AUTS2: variants seen among roughly 807,000 people sequenced by gnomAD.
AUTS2 encodes the protein autism susceptibility gene 2 protein.
In AUTS2, 17 loss-of-function variants were observed where a neutral mutation model predicts 112.4. The ratio of observed to expected loss-of-function variants is 0.15; its 90% CI spans 0.10 to 0.23. The LOEUF is 0.23. AUTS2 is among the 10% of genes least tolerant of loss of function. The pLI is 1.00. For missense variants in AUTS2, 1,510 were observed against 1,701.6 expected, an observed-to-expected ratio of 0.89 and a Z score of 1.98; for synonymous variants, 751 against 702.7, an observed-to-expected ratio of 1.07 and a Z score of -1.09.
chr7:70,170,906 G>C (rs911508113), intron 4 of AUTS2, among the ~76,000 whole-genome samples: 1 of 152,060 alleles, frequency 6.6e-6, no homozygotes, highest in African/African-American at 2.4e-5. Flanking sequence ...GCCCCCGGCC[G>C]GGGCACATTG....
At chr7:69,905,375 G>T (rs959488058) in intron 2 of AUTS2, among the ~76,000 whole-genome samples, 6 of 152,104 alleles carry the variant, frequency 3.9e-5, no homozygotes, top group African/African-American at 1.4e-4. Flanking sequence ...TTCATTCGGG[G>T]AATTTGTTCA....
chr7:70,786,030 C>T lies in AUTS2; in HGVS notation c.2300C>T (p.Pro767Leu). ...GGNAFGGLGN[P>L]SVTPNSMFGH... ...AATGCCTTCGGGGGACTTGGAAATCCTTCCGTTAGTGAGTACCTCTAACTT... is the reference window on the plus strand; with the variant it reads ...AATGCCTTCGGGGGACTTGGAAATCTTTCCGTTAGTGAGTACCTCTAACTT... Residue 767 changes from proline (P) to leucine (L), a missense_variant, in exon 17 of 19, where the codon CCT becomes CTT. Physicochemically the swap from Pro to Leu is moderately conservative, Grantham distance 98. Around this residue, in one of 3 missense-constraint regions of AUTS2, gnomAD observed 788 missense variants for 797.6 expected, o/e 0.99. Coordinates refer to ENST00000342771, the MANE Select transcript of AUTS2 (RefSeq NM_015570.4). The T allele has an allele frequency of 6.2e-7, 1 of 1,613,954 alleles. No homozygotes were observed. The highest frequency in any genetic ancestry group is 8.5e-7 in the Non-Finnish European group (1 of 1,179,832).
chr7:69,819,616 C>T (rs1205750242), intron 1 of AUTS2, among the ~76,000 whole-genome samples: 1 of 152,160 alleles, frequency 6.6e-6, no homozygotes, highest in African/African-American at 2.4e-5. Context: ...GGAGAATGTG[C>T]CAAAACGGGA....
chr7:70,214,683 T>G (rs1284076305), intron 4 of AUTS2, among the ~76,000 whole-genome samples: 1 of 152,212 alleles, frequency 6.6e-6, no homozygotes, highest in Non-Finnish European at 1.5e-5. Flanking sequence ...TACCTTTTTT[T>G]AAATTCGTGG....
intron 5 of AUTS2, among the ~76,000 whole-genome samples, chr7:70,668,738 C>A (rs1388876075): frequency 2.0e-5 from 3 of 152,218 alleles, no homozygotes; most frequent in Non-Finnish European, 4.4e-5. Context: ...CAAGGCCAGT[C>A]TGGGTGAACG....
intron 4 of AUTS2, among the ~76,000 whole-genome samples, chr7:70,340,049 T>C (rs1791185521): frequency 1.3e-5 from 2 of 152,058 alleles, no homozygotes; most frequent in South Asian, 2.1e-4. Context: ...CCAAGCAAAT[T>C]ACCTTATCCT....
chr7:70,599,953 A>G (rs1002727977), intron 5 of AUTS2, among the ~76,000 whole-genome samples: 2 of 152,218 alleles, frequency 1.3e-5, no homozygotes, highest in Non-Finnish European at 2.9e-5. Flanking sequence ...ATTCTGGGTC[A>G]CTGGTTCTCA....
intron 2 of AUTS2, among the ~76,000 whole-genome samples, chr7:70,096,647 A>C (rs1171286450): frequency 1.3e-5 from 2 of 151,858 alleles, no homozygotes; most frequent in East Asian, 3.9e-4. Context: ...ATACTGTGTA[A>C]AGGACTATAC....
chr7:70,695,224 C>T (rs1563133700), intron 5 of AUTS2, among the ~76,000 whole-genome samples: 1 of 152,166 alleles, frequency 6.6e-6, no homozygotes, highest in Non-Finnish European at 1.5e-5. Flanking sequence ...TTCTTTCCTC[C>T]CCCCTCTGCG....
At chr7:70,666,621 A>G (rs1807362285) in intron 5 of AUTS2, among the ~76,000 whole-genome samples, 1 of 151,918 alleles carries the variant, frequency 6.6e-6, no homozygotes, top group Non-Finnish European at 1.5e-5. Flanking sequence ...AGTCCTTTTA[A>G]TTATAGGAAA....
chr7:70,193,088 T>C lies in AUTS2; in HGVS notation c.660+58517T>C, dbSNP rs75246898. Among the ~76,000 whole-genome samples the C allele has an allele frequency of 3.0e-3, 457 of 152,344 alleles. 3 individuals are homozygous for C. The highest frequency in any genetic ancestry group is 0.01 in the African/African-American group (434 of 41,580). ...TTCTTTTAGTTCATAATTGTAATCA[T>C]AGATGGCATTCCACTACCTTTGTCT... On this transcript the variant is annotated intron_variant, in intron 4 of 18. Transcript: ENST00000342771.
rs1790747401 is a variant in AUTS2, at chr7:69,816,061, C to T, written c.310-83225C>T. Among the ~76,000 whole-genome samples the T allele has an allele frequency of 2.0e-5, 3 of 152,174 alleles. No individual in the cohort carries two copies. The South Asian group carries it at 6.2e-4, about 31-fold the overall frequency. On this transcript the variant is annotated intron_variant, in intron 1 of 18. Coordinates refer to ENST00000342771, the MANE Select transcript of AUTS2 (RefSeq NM_015570.4). ...TTGCTAGAGGGAATACAGGCCAAGC[C>T]TTTTGCCTCTGAAATCAAAGTACTG... is the stretch of plus-strand genomic sequence containing the variant.
intron 1 of AUTS2, among the ~76,000 whole-genome samples, chr7:69,665,495 A>G (rs1281254694): frequency 6.6e-6 from 1 of 152,174 alleles, no homozygotes; most frequent in Non-Finnish European, 1.5e-5. Flanking sequence ...AAACTGAACC[A>G]CAGAAGTATA....
At chr7:69,604,023 T>G (rs1017733239) in intron 1 of AUTS2, among the ~76,000 whole-genome samples, 4 of 152,222 alleles carry the variant, frequency 2.6e-5, no homozygotes, top group African/African-American at 4.8e-5. Flanking sequence ...AGCCTCCTTT[T>G]GTACAGCTGA....
At chr7:70,785,118 T>C (rs919134521) in intron 16 of AUTS2, 99 bp downstream of exon 16, 1 of 1,242,008 alleles carries the variant, frequency 8.1e-7, no homozygotes, top group African/African-American at 1.5e-5. Context: ...CTGGTGGGAG[T>C]CCCAGATACC....
At chr7:69,833,703 G>A (rs1039104579) in intron 1 of AUTS2, among the ~76,000 whole-genome samples, 2 of 152,162 alleles carry the variant, frequency 1.3e-5, no homozygotes, top group African/African-American at 4.8e-5. Context: ...CCAAAGTGCT[G>A]GGATTACAGG....
chr7:69,739,531 G>A (rs1370488226), intron 1 of AUTS2, among the ~76,000 whole-genome samples: 1 of 152,064 alleles, frequency 6.6e-6, no homozygotes, highest in Non-Finnish European at 1.5e-5. Context: ...CTCAACTGGA[G>A]AATAAAGAGC....
intron 4 of AUTS2, among the ~76,000 whole-genome samples, chr7:70,427,761 G>C (rs1172696412): frequency 6.6e-6 from 1 of 152,120 alleles, no homozygotes; most frequent in Non-Finnish European, 1.5e-5. Context: ...CACTGGAGGG[G>C]GAATAAGAAG....
intron 5 of AUTS2, among the ~76,000 whole-genome samples, chr7:70,552,616 T>A (rs1049566964): frequency 6.6e-6 from 1 of 152,174 alleles, no homozygotes; most frequent in Non-Finnish European, 1.5e-5. Context: ...GTAAAAAAGG[T>A]CTGCATTTAG....
Sources: gnomAD v4.1 joint callset for allele counts (sites outside exome capture counted in the v4.1 genomes callset) on GRCh38, gnomAD v4.1.1 for gene constraint, gnomAD v4.1.1 regional missense constraint, MANE v1.5 for transcripts, NCBI Gene and HGNC (gene_info 2026-07-23, HGNC 2026-07-21) for gene names.